The following FRAS1 variants were observed in gnomAD, a reference collection of about 807,000 sequenced individuals.
FRAS1 encodes the protein Fraser extracellular matrix complex subunit 1.
A neutral mutation model predicts 435.2 loss-of-function variants in FRAS1; 290 were observed. The observed-to-expected ratio is 0.67, with a 90% CI of 0.61 to 0.73. The LOEUF (loss-of-function observed/expected upper bound fraction) is 0.73. FRAS1 is among the 30% of genes least tolerant of loss of function. FRAS1 has a pLI of 0.00. For missense variants in FRAS1, 4,860 were observed against 5,001.5 expected (o/e 0.97, Z 0.85); for synonymous variants, 1,800 against 1,851.0 (o/e 0.97, Z 0.71).
intron 7 of FRAS1, 114 bp from the exon 8 acceptor site, chr4:78,266,720 C>A (rs969852769): frequency 1.1e-5 from 8 of 740,424 alleles, no homozygotes; most frequent in Admixed American, 8.5e-5. Flanking sequence ...AGAGTACATT[C>A]AATGTGGCTC....
chr4:78,438,480 G>A, intron 38 of FRAS1, 90 bp from the exon 39 acceptor site: 3 of 1,259,352 alleles, frequency 2.4e-6, no homozygotes, highest in Admixed American at 2.2e-5. Flanking sequence ...CCAATTAGCA[G>A]AGAGAGAAGC....
At chr4:78,141,665 A>C (rs375582861) in intron 2 of FRAS1, among the ~76,000 whole-genome samples, 1 of 152,176 alleles carries the variant, frequency 6.6e-6, no homozygotes. Context: ...GTATTATTCA[A>C]AAAAGATACT....
At chr4:78,463,335 GATT>G (rs1578339271) in intron 47 of FRAS1, among the ~76,000 whole-genome samples, 1 of 152,060 alleles carries the variant, frequency 6.6e-6, no homozygotes, top group African/African-American at 2.4e-5. Context: ...GAGAAAAAAT[GATT>G]TTTTCTCTAT....
intron 14 of FRAS1, among the ~76,000 whole-genome samples, chr4:78,298,030 C>CTCTCTCTATATA (rs1253600018): frequency 9.6e-6 from 1 of 104,084 alleles, no homozygotes; most frequent in African/African-American, 3.3e-5. Flanking sequence ...CTCTCTCTCT[C>CTCTCTCTATATA]TATATATATA....
chr4:78,087,803 A>G (rs546053517), intron 2 of FRAS1, among the ~76,000 whole-genome samples: 1 of 152,350 alleles, frequency 6.6e-6, no homozygotes, highest in South Asian at 2.1e-4. Flanking sequence ...AGAACATTCC[A>G]TGCTCATGGG....
At chr4:78,230,560 C>T (rs1470989) in intron 2 of FRAS1, among the ~76,000 whole-genome samples, 43,267 of 152,100 alleles carry the variant, frequency 0.28, 7,037 homozygotes, top group South Asian at 0.53. Context: ...CTTCATGGTT[C>T]CCTGACAAAC....
At chr4:78,098,255 G>C (rs183928232) in intron 2 of FRAS1, among the ~76,000 whole-genome samples, 1 of 151,798 alleles carries the variant, frequency 6.6e-6, no homozygotes, top group African/African-American at 2.4e-5. Flanking sequence ...TCTTTAATGT[G>C]GGGGTTAGGA....
At chr4:78,276,058 A>G (rs574852842) in intron 9 of FRAS1, among the ~76,000 whole-genome samples, 3 of 152,014 alleles carry the variant, frequency 2.0e-5, no homozygotes, top group Non-Finnish European at 4.4e-5. Flanking sequence ...GCTTCATTTC[A>G]TTCATTTGAT....
chr4:78,117,665 G>A (rs1295262723), intron 2 of FRAS1, among the ~76,000 whole-genome samples: 1 of 152,118 alleles, frequency 6.6e-6, no homozygotes, highest in East Asian at 1.9e-4. Context: ...CTCGTGCCAT[G>A]GTTTTCAGCT....
At position 78,365,748 on chromosome 4, in the gene FRAS1, A is replaced by C. The variant is rs74994460; in HGVS notation, c.2722+1694A>C. ...AGTTTCTAGTACATTAAAAAAAAAAAAACAAAAAAAAAAAACAGCCTGACC... is the reference window on the plus strand; with the variant it reads ...AGTTTCTAGTACATTAAAAAAAAAACAACAAAAAAAAAAAACAGCCTGACC... On this transcript the variant is annotated intron_variant, in intron 22 of 73. Transcript: ENST00000512123. Among the ~76,000 whole-genome samples the C allele has an allele frequency of 4.8e-5, 5 of 104,628 alleles. No homozygotes were observed. The East Asian group carries it at 1.3e-3, about 28-fold the overall frequency. 68.6% of individuals were successfully genotyped at this position (104,628 alleles called of 152,430 possible). A position where few individuals can be genotyped will look rare whatever the true frequency, so the allele number is the denominator to read the frequency against.
At chr4:78,499,469 T>C (rs1720611410) in intron 60 of FRAS1, among the ~76,000 whole-genome samples, 2 of 152,264 alleles carry the variant, frequency 1.3e-5, no homozygotes, top group African/African-American at 4.8e-5. Context: ...TACAAATAAT[T>C]CCACCCATTA....
intron 26 of FRAS1, among the ~76,000 whole-genome samples, chr4:78,377,769 T>G (rs1731832619): frequency 6.6e-6 from 1 of 152,156 alleles, no homozygotes; most frequent in African/African-American, 2.4e-5. Flanking sequence ...AGGACTGTGG[T>G]TCTCAAAGCC....
chr4:78,191,139 G>C (rs1054411909), intron 2 of FRAS1, among the ~76,000 whole-genome samples: 3 of 152,190 alleles, frequency 2.0e-5, no homozygotes, highest in Non-Finnish European at 4.4e-5. Context: ...ACTGTGAGAA[G>C]AAATTTCTGT....
chr4:78,065,081 T>TATATATATATATATACACACACACAC (rs762909923), intron 1 of FRAS1, among the ~76,000 whole-genome samples: 71 of 125,668 alleles, frequency 5.6e-4, no homozygotes, highest in African/African-American at 2.1e-3. Context: ...TATATATATA[T>TATATATATATATATACACACACACAC]ATACATACAC....
intron 18 of FRAS1, among the ~76,000 whole-genome samples, chr4:78,332,813 C>T (rs1327037464): frequency 6.6e-6 from 1 of 152,192 alleles, no homozygotes; most frequent in African/African-American, 2.4e-5. Flanking sequence ...TGTGTATGCC[C>T]AGTCTCCATC....
chr4:78,392,572 G>A (rs556414818), intron 29 of FRAS1, among the ~76,000 whole-genome samples: 5 of 152,048 alleles, frequency 3.3e-5, no homozygotes, highest in Admixed American at 2.6e-4. Flanking sequence ...GATATGGAAT[G>A]GCTAAGCTTT....
intron 55 of FRAS1, 63 bp from the exon 56 acceptor site, chr4:78,479,311 G>A: frequency 8.7e-7 from 1 of 1,146,524 alleles, no homozygotes; most frequent in African/African-American, 1.6e-5. Flanking sequence ...TAACTTACCA[G>A]AGGTTTTAAA....
At chr4:78,079,242 T>G (rs1211985689) in intron 2 of FRAS1, among the ~76,000 whole-genome samples, 1 of 151,728 alleles carries the variant, frequency 6.6e-6, no homozygotes, top group Admixed American at 6.6e-5. Flanking sequence ...CCCATTTTTT[T>G]GTCAACAAGA....
intron 2 of FRAS1, among the ~76,000 whole-genome samples, chr4:78,126,898 G>T (rs1158238585): frequency 6.6e-6 from 1 of 152,080 alleles, no homozygotes; most frequent in African/African-American, 2.4e-5. Flanking sequence ...CAGATTAGTG[G>T]AACCTTGATG....
Sources: allele counts gnomAD v4.1 joint callset (sites outside exome capture counted in the v4.1 genomes callset), GRCh38; gene constraint gnomAD v4.1.1; transcripts MANE v1.5; gene names NCBI Gene and HGNC (gene_info 2026-07-23, HGNC 2026-07-21).